Variants in MIGA1 observed in about 807,000 individuals in gnomAD.
The protein encoded by MIGA1 is mitoguardin 1.
Under a neutral mutation model 82.0 loss-of-function variants are expected in MIGA1, and 58 were observed. The observed-to-expected ratio is 0.71, with a 90% CI of 0.57 to 0.88. The LOEUF (loss-of-function observed/expected upper bound fraction) is 0.88, where lower values mean the gene tolerates loss of function less well. Among genes scored for constraint, MIGA1 ranks in the 40% least tolerant of loss-of-function variants. MIGA1 has a pLI of 0.00. For missense variants in MIGA1, 751 were observed against 749.1 expected, an observed-to-expected ratio of 1.00 and a Z score of -0.03; for synonymous variants, 249 against 253.6, an observed-to-expected ratio of 0.98 and a Z score of 0.17.
intron 13 of MIGA1, among the ~76,000 whole-genome samples, chr1:77,865,292 G>GA (rs1685620955): frequency 6.6e-6 from 1 of 151,494 alleles, no homozygotes; most frequent in Non-Finnish European, 1.5e-5. Flanking sequence ...TACTATTCTT[G>GA]AAAAAAAATT....
intron 2 of MIGA1, among the ~76,000 whole-genome samples, chr1:77,785,229 G>C (rs940785146): frequency 6.6e-6 from 1 of 152,170 alleles, no homozygotes; most frequent in African/African-American, 2.4e-5. Context: ...TTACTTCCTA[G>C]ATAGAATGGG....
chr1:77,810,867 C>T, intron 5 of MIGA1: 1 of 1,610,966 alleles, frequency 6.2e-7, no homozygotes, highest in East Asian at 2.2e-5. Flanking sequence ...AGGATCATTC[C>T]TTGTGCAAAG....
chr1:77,837,558 T>C (rs1049237303), intron 7 of MIGA1, among the ~76,000 whole-genome samples: 1 of 152,220 alleles, frequency 6.6e-6, no homozygotes, highest in Admixed American at 6.5e-5. Context: ...TTGTGGGGAT[T>C]GAAAATAAGG....
At chr1:77,794,200 C>G (rs1264429997) in intron 2 of MIGA1, among the ~76,000 whole-genome samples, 1 of 152,146 alleles carries the variant, frequency 6.6e-6, no homozygotes, top group African/African-American at 2.4e-5. Context: ...TGTTATAACT[C>G]TAATACAACT....
At chr1:77,788,431 C>A (rs1293754774) in intron 2 of MIGA1, among the ~76,000 whole-genome samples, 1 of 152,184 alleles carries the variant, frequency 6.6e-6, no homozygotes, top group Non-Finnish European at 1.5e-5. Flanking sequence ...AACCACGGTG[C>A]CCAACCCTGT....
In MIGA1 at chr1:77,801,344, C is replaced by T. The variant is rs139637243; in HGVS notation, c.209C>T (p.Pro70Leu). ...AATCTTTTCCAGATCAAATTTTCTC[C>T]GGTGGCTAAAAAGTTGTTTGTGGTA... Residue 70 changes from proline to leucine, a missense_variant, in exon 3 of 16, where the codon CCG becomes CTG. Transcript: ENST00000370791. The T allele has an allele frequency of 2.2e-4, 340 of 1,539,046 alleles. 2 individuals are homozygous for T. Among genetic ancestry groups the T allele is most frequent in the East Asian group, 5.3e-4 (22 of 41,318 alleles).
intron 11 of MIGA1, chr1:77,860,515 G>C (rs1685421549): frequency 6.2e-6 from 1 of 161,360 alleles, no homozygotes; most frequent in South Asian, 1.9e-4. Flanking sequence ...TCATGTAGTT[G>C]AATGAGGCAG....
Position 77,878,808 on chromosome 1 carries a change from G to T in MIGA1, c.*3744G>T, listed in dbSNP as rs956089620. On this transcript the variant is annotated 3_prime_UTR_variant, in exon 16 of 16. Transcript: ENST00000370791. Reference sequence around the variant, plus strand: ...AATGGAATTATCTTTTAAAAAAGAAGACAAGTTTTCCATACTGTCACAGTA... The same window carrying T: ...AATGGAATTATCTTTTAAAAAAGAATACAAGTTTTCCATACTGTCACAGTA... The T allele has an allele frequency of 1.0e-5, 4 of 383,564 alleles. No individual in the cohort carries two copies. The highest frequency in any genetic ancestry group is 8.3e-5 in the African/African-American group (4 of 48,324). 23.8% of individuals were successfully genotyped at this position (383,564 alleles called of 1,614,324 possible).
chr1:77,840,304 T>C (rs1684582062), intron 7 of MIGA1, among the ~76,000 whole-genome samples: 1 of 152,186 alleles, frequency 6.6e-6, no homozygotes, highest in East Asian at 1.9e-4. Context: ...TTTTCTTTGT[T>C]AGATTTTTTA....
chr1:77,864,422 T>A (rs1353135050), intron 13 of MIGA1, among the ~76,000 whole-genome samples: 5 of 151,882 alleles, frequency 3.3e-5, no homozygotes, highest in South Asian at 2.1e-4. Context: ...ACACCTGTAA[T>A]CTCAGCACTT....
At chr1:77,816,860 A>C (rs553241570) in intron 7 of MIGA1, among the ~76,000 whole-genome samples, 128 of 152,372 alleles carry the variant, frequency 8.4e-4, no homozygotes, top group African/African-American at 2.9e-3. Context: ...CAAATGTAGA[A>C]TAAGAATGGA....
chr1:77,829,376 G>A (rs538759886), intron 7 of MIGA1, among the ~76,000 whole-genome samples: 2 of 152,268 alleles, frequency 1.3e-5, no homozygotes, highest in South Asian at 2.1e-4. Context: ...TTTTGAGCCT[G>A]GGAGTTTGAA....
At chr1:77,870,765 T>C (rs1263578849) in intron 14 of MIGA1, among the ~76,000 whole-genome samples, 2 of 149,434 alleles carry the variant, frequency 1.3e-5, no homozygotes, top group Admixed American at 6.6e-5. Context: ...CGAGCCGAGA[T>C]CACGCCACTG....
chr1:77,864,834 G>C (rs1685603658), intron 13 of MIGA1, among the ~76,000 whole-genome samples: 2 of 152,118 alleles, frequency 1.3e-5, no homozygotes, highest in Admixed American at 6.6e-5. Flanking sequence ...GTTCTTTTCT[G>C]TTCTCAAACC....
rs1161153269 is a variant in MIGA1 at position 77,873,085 on chromosome 1, A to G, written c.1645A>G (p.Arg549Gly). The G allele has an allele frequency of 6.2e-7, 1 of 1,613,776 alleles. No homozygotes were observed. Among genetic ancestry groups the G allele is most frequent in the Admixed American group, 1.7e-5 (1 of 60,014 alleles). Residue 549 changes from arginine to glycine, a missense_variant, in exon 15 of 16, where the codon AGA becomes GGA. Physicochemically the swap from Arg to Gly is moderately radical, Grantham distance 125. This residue lies in a region of MIGA1 where 265 missense variants were observed against 293.6 expected (regional missense o/e 0.90). Coordinates refer to ENST00000370791, the MANE Select transcript of MIGA1 (RefSeq NM_198549.4). ...CCTAGCCTGGGGCTTTTTGGGTCCT[A>G]GAAATTCTCTGTATGATTTATGTTG...
intron 7 of MIGA1, among the ~76,000 whole-genome samples, chr1:77,835,883 G>A (rs1557919335): frequency 6.6e-6 from 1 of 152,060 alleles, no homozygotes; most frequent in Non-Finnish European, 1.5e-5. Context: ...GGGAGGTGGA[G>A]GTTGCAGTGA....
At chr1:77,864,077 G>A in intron 13 of MIGA1, 49 bp downstream of exon 13, 1 of 1,584,722 alleles carries the variant, frequency 6.3e-7, no homozygotes, top group Non-Finnish European at 8.6e-7. Context: ...ATTAAAAAGT[G>A]AGGCTGGGCG....
At chr1:77,862,350 G>A (rs1396134027) in intron 12 of MIGA1, 3 of 151,410 alleles carry the variant, frequency 2.0e-5, no homozygotes, top group Admixed American at 1.3e-4. Context: ...GGGAGGCCAA[G>A]GAATGAGAAT....
intron 6 of MIGA1, among the ~76,000 whole-genome samples, chr1:77,814,193 G>A (rs1173081438): frequency 6.6e-6 from 1 of 152,102 alleles, no homozygotes; most frequent in Non-Finnish European, 1.5e-5. Context: ...CTGACCCAAA[G>A]TATTTTTTAA....
Sources: allele counts gnomAD v4.1 joint callset (sites outside exome capture counted in the v4.1 genomes callset), GRCh38; gene constraint gnomAD v4.1.1; regional missense constraint gnomAD v4.1.1; transcripts MANE v1.5; gene names NCBI Gene and HGNC (gene_info 2026-07-23, HGNC 2026-07-21).